DLG4: variants seen among roughly 807,000 people sequenced by gnomAD.
DLG4 encodes disks large homolog 4.
DLG4 carries 7 observed loss-of-function variants against 93.8 expected under a neutral mutation model. That is an observed-to-expected ratio of 0.07 (90% CI 0.04 to 0.14). The LOEUF (loss-of-function observed/expected upper bound fraction) is 0.14. Ranked by LOEUF, DLG4 falls within the 10% of genes least tolerant of loss-of-function variation. The pLI is 1.00. For missense variants in DLG4, 545 were observed against 992.9 expected (o/e 0.55, Z 6.06); for synonymous variants, 341 against 387.6 (o/e 0.88, Z 1.41).
chr17:7,214,390 A>T (rs2070822067), intron 1 of DLG4, among the ~76,000 whole-genome samples: 2 of 152,050 alleles, frequency 1.3e-5, no homozygotes, highest in South Asian at 4.2e-4. Context: ...CCCTCGATAG[A>T]GTAAGCCAGA....
Position 7,189,917 on chromosome 17 carries a change from T to G in DLG4, c.*791A>C, listed in dbSNP as rs2069399747. On this transcript the variant is annotated 3_prime_UTR_variant, in exon 20 of 20. Transcript: ENST00000399506. ...TCAAGTATCTGTCTCTTCCTTTCAC[T>G]CTCTCAAAAGAAAAAAATAAATAAA... 2 of 152,360 alleles carry G rather than the reference T, an allele frequency of 1.3e-5. No homozygotes were observed. Among genetic ancestry groups the G allele is most frequent in the Non-Finnish European group, 2.9e-5 (2 of 67,990 alleles). The allele number at this position is 152,360 out of a possible 1,614,324, so 9.4% of individuals were successfully genotyped here.
chr17:7,201,866 A>C (rs2070155913), intron 8 of DLG4, among the ~76,000 whole-genome samples: 2 of 152,200 alleles, frequency 1.3e-5, no homozygotes. Flanking sequence ...GGGCAAGAAG[A>C]GCGAAACTCC....
At position 7,194,323 on chromosome 17, in the gene DLG4, G is replaced by A. The variant is rs2069657796; in HGVS notation, c.1474C>T (p.Arg492Trp). The A allele has an allele frequency of 1.2e-6, 2 of 1,605,048 alleles. No homozygotes were observed. The highest frequency in any genetic ancestry group is 1.1e-5 in the South Asian group (1 of 89,364). The change falls in exon 12 of 20, where the codon CGG (arginine) becomes TGG (tryptophan). Residue 492 changes from arginine (R) to tryptophan (W), a missense_variant. Physicochemically the swap from Arg to Trp is moderately radical, Grantham distance 101. Around this residue, in one of 5 missense-constraint regions of DLG4, gnomAD observed 428 missense variants for 741.4 expected, o/e 0.58. Coordinates refer to ENST00000399506, the MANE Select transcript of DLG4 (RefSeq NM_001321075.3). The surrounding 1 kb of genome is among the most constrained non-coding windows in gnomAD (Gnocchi z 4.4). Reference protein sequence around the residue: ...TDDIGFIPSKRRVERREWSRL... With the variant: ...TDDIGFIPSKWRVERREWSRL... ...TACAGAGCCCAGGAGCCTCACCGCCGTTTGCTGGGGATGAACCCAATGTCG... is the reference window on the plus strand; with the variant it reads ...TACAGAGCCCAGGAGCCTCACCGCCATTTGCTGGGGATGAACCCAATGTCG...
At chr17:7,207,972 C>A in intron 2 of DLG4, 16 of 838,460 alleles carry the variant, frequency 1.9e-5, no homozygotes, top group Admixed American at 5.1e-5. Context: ...GTCCCAGCAT[C>A]CCCCTCCCCA....
Position 7,194,755 on chromosome 17 carries a change from C to T in DLG4, c.1302-260G>A, listed in dbSNP as rs1053300451. On this transcript the variant is annotated intron_variant, in intron 11 of 19. Transcript: ENST00000399506. This position sits in a 1 kb window ranked among gnomAD's most constrained non-coding sequence, Gnocchi z 4.4. ...TCTCAAGAAAGCAGTTTGGGCCAGG[C>T]GTGGTGGCTCCCACCTGGAATCCCA... is the stretch of plus-strand genomic sequence containing the variant. Among the ~76,000 whole-genome samples, 10 of 152,200 alleles carry T rather than the reference C, an allele frequency of 6.6e-5. No homozygotes were observed. Among genetic ancestry groups the T allele is most frequent in the African/African-American group, 1.9e-4 (8 of 41,440 alleles).
chr17:7,205,771 G>T (rs1321284438), intron 2 of DLG4, among the ~76,000 whole-genome samples: 5 of 46,464 alleles, frequency 1.1e-4, no homozygotes, highest in Non-Finnish European at 2.0e-4. Context: ...CCCGCAGCCC[G>T]TCCCCCATCC....
In DLG4 at chr17:7,212,385, C is replaced by T. The variant is rs2070746169; in HGVS notation, c.31-4146G>A. ...TTAATATATGCTAAATCATCCCTTT[C>T]TATATCACATCTATCTCCCAATCCA... On this transcript the variant is annotated intron_variant, in intron 1 of 19. Transcript: ENST00000399506. Among the ~76,000 whole-genome samples the T allele has an allele frequency of 2.0e-5, 3 of 152,208 alleles. No individual in the cohort carries two copies. In the South Asian group the frequency reaches 6.2e-4, roughly 31 times the overall value.
At position 7,190,801 on chromosome 17, in the gene DLG4, A is replaced by C. The variant is rs2069446818; in HGVS notation, c.2082T>G (p.Gly694=). Residue 694 remains glycine, a synonymous_variant, in exon 20 of 20, where the codon GGT becomes GGG. Transcript: ENST00000399506. ...FTECFSAIVE[G]DSFEEIYHKV... is the part of the protein sequence containing the mutation. Reference sequence around the variant, plus strand: ...TGTGGTAGATCTCCTCAAAGCTGTCACCCTCCACGATGGCTGGGAGTGGGG... The same window carrying C: ...TGTGGTAGATCTCCTCAAAGCTGTCCCCCTCCACGATGGCTGGGAGTGGGG... 2 of 1,612,590 alleles carry C rather than the reference A, an allele frequency of 1.2e-6. No individual in the cohort carries two copies. Among genetic ancestry groups the C allele is most frequent in the African/African-American group, 2.7e-5 (2 of 74,470 alleles).
At chr17:7,192,373 G>C in intron 17 of DLG4, 1 of 228,392 alleles carries the variant, frequency 4.4e-6, no homozygotes, top group Non-Finnish European at 8.5e-6. Flanking sequence ...AGAAAAAGGA[G>C]AAAGGAAGTA....
chr17:7,193,823 T>C lies in DLG4; in HGVS notation c.1543+21A>G. 6.2e-7 allele frequency: 1 copy of C among 1,612,910 alleles called. No individual in the cohort carries two copies. The highest frequency in any genetic ancestry group is 1.1e-5 in the South Asian group (1 of 90,842). On this transcript the variant is annotated intron_variant, in intron 14 of 19. Coordinates refer to ENST00000399506, the MANE Select transcript of DLG4 (RefSeq NM_001321075.3). This position sits in a 1 kb window ranked among gnomAD's most constrained non-coding sequence, Gnocchi z 6.7. ...CTCAGTGCTCCTCTCACCCACATCTTCCCGAACTAACCCTACCTACCCTGC... is the reference window on the plus strand; with the variant it reads ...CTCAGTGCTCCTCTCACCCACATCTCCCCGAACTAACCCTACCTACCCTGC...
chr17:7,219,925 C>A, upstream of DLG4: 1 of 1,572,558 alleles, frequency 6.4e-7, no homozygotes, highest in Non-Finnish European at 8.6e-7. Flanking sequence ...AGGACGTGGG[C>A]GTGCAGGACG....
rs541141813 is a variant in DLG4, at chr17:7,187,715, G to A, written c.*2993C>T. Among the ~76,000 whole-genome samples, 10 of 152,094 alleles carry A rather than the reference G, an allele frequency of 6.6e-5. No homozygotes were observed. Among genetic ancestry groups the A allele is most frequent in the Admixed American group, 1.3e-4 (2 of 15,276 alleles). The stretch of plus-strand genomic sequence containing the variant: ...CTCCCTTCAGCTCACGATAGAGAAC[G>A]TTATCACAGCCTCAAGCCATCTGCT... On this transcript the variant is annotated 3_prime_UTR_variant, in exon 20 of 20. Coordinates refer to ENST00000399506, the MANE Select transcript of DLG4 (RefSeq NM_001321075.3).
rs1340497891 is a variant in DLG4, at chr17:7,194,408, G to A, written c.1389C>T (p.Ile463=). 22 of 1,612,930 alleles carry A rather than the reference G, an allele frequency of 1.4e-5. No homozygotes were observed. The highest frequency in any genetic ancestry group is 6.7e-5 in the East Asian group (3 of 44,846). Residue 463 remains isoleucine, a synonymous_variant, in exon 12 of 20, where the codon ATC becomes ATT. Transcript: ENST00000399506. The surrounding 1 kb of genome is among the most constrained non-coding windows in gnomAD (Gnocchi z 4.4). The part of the protein sequence containing the change: ...SFRFGDVLHV[I]DASDEEWWQA... ...GCCACCACTCCTCATCACTAGCATC[G>A]ATGACATGCAGCACATCCCCAAAGC...
rs1302913275 is a variant in DLG4, at chr17:7,208,894, A to G, written c.31-655T>C. 7.9e-5 allele frequency among the ~76,000 whole-genome samples: 12 copies of G among 152,008 alleles called. No homozygotes were observed. Among genetic ancestry groups the G allele is most frequent in the African/African-American group, 2.2e-4 (9 of 41,366 alleles). On this transcript the variant is annotated intron_variant, in intron 1 of 19. Transcript: ENST00000399506. The surrounding 1 kb of genome is among the most constrained non-coding windows in gnomAD (Gnocchi z 5.4). Reference sequence around the variant, plus strand: ...TCAGCCCCCGAGACAGGACAAGGCTAAGCCTGTCCAGTTCACTGCCCTTGC... The same window carrying G: ...TCAGCCCCCGAGACAGGACAAGGCTGAGCCTGTCCAGTTCACTGCCCTTGC...
Position 7,194,641 on chromosome 17 carries a change from C to A in DLG4, c.1302-146G>T. On this transcript the variant is annotated intron_variant, in intron 11 of 19. Transcript: ENST00000399506. The surrounding 1 kb of genome is among the most constrained non-coding windows in gnomAD (Gnocchi z 4.4). The stretch of plus-strand genomic sequence containing the variant: ...GAGGAACCCAAAACTGTGTGGGGAC[C>A]AAACGCTGACTATAACTCATAACAA... 1 of 746,480 alleles carries A rather than the reference C, an allele frequency of 1.3e-6. No homozygotes were observed. Among genetic ancestry groups the A allele is most frequent in the Non-Finnish European group, 2.1e-6 (1 of 466,070 alleles). 46.2% of individuals were successfully genotyped at this position (746,480 alleles called of 1,614,324 possible).
rs1242675613 is a variant in DLG4 at position 7,196,411 on chromosome 17, AG to A, written c.1186+61del. 6.2e-7 allele frequency: 1 copy of A among 1,609,466 alleles called. No individual in the cohort carries two copies. The highest frequency in any genetic ancestry group is 1.3e-5 in the African/African-American group (1 of 74,838). On this transcript the variant is annotated intron_variant, in intron 10 of 19. Coordinates refer to ENST00000399506, the MANE Select transcript of DLG4 (RefSeq NM_001321075.3). This position sits in a 1 kb window ranked among gnomAD's most constrained non-coding sequence, Gnocchi z 8.3. ...CCTGTCCTCCCCTACTGAAGCCATC[AG>A]CTGAGGAAGAGTTCTAAGGGCCATT...
At position 7,203,732 on chromosome 17, in the gene DLG4, T is replaced by C; in HGVS notation, c.295A>G (p.Ile99Val). The change falls in exon 5 of 20, where the codon ATC becomes GTC. Residue 99 changes from isoleucine to valine, a missense_variant. Ile to Val is a conservative substitution (Grantham distance 29). Transcript: ENST00000399506. This position sits in a 1 kb window ranked among gnomAD's most constrained non-coding sequence, Gnocchi z 7.2. ...TGGGCCGCAGCCCCACCAGGAATGATCTTGGTGATGAAAATGGATGGGTCG... is the reference window on the plus strand; with the variant it reads ...TGGGCCGCAGCCCCACCAGGAATGACCTTGGTGATGAAAATGGATGGGTCG... ...GDDPSIFITK[I>V]IPGGAAAQDG... 1 of 1,613,646 alleles carries C rather than the reference T, an allele frequency of 6.2e-7. No individual in the cohort carries two copies. The highest frequency in any genetic ancestry group is 8.5e-7 in the Non-Finnish European group (1 of 1,179,812).
rs953774852 is a variant in DLG4, at chr17:7,203,400, G to A, written c.505+24C>T. On this transcript the variant is annotated intron_variant, in intron 6 of 19. Transcript: ENST00000399506. This position sits in a 1 kb window ranked among gnomAD's most constrained non-coding sequence, Gnocchi z 7.2. ...GGGGGCACAGGACAGTTGGGATGGG[G>A]GTGGGAACAAAATGAGTTACTACCT... The A allele has an allele frequency of 2.5e-6, 4 of 1,596,140 alleles. No homozygotes were observed. The highest frequency in any genetic ancestry group is 2.7e-5 in the African/African-American group (2 of 74,590).
rs1555599137 is a variant in DLG4, at chr17:7,187,312, G to GGA, written c.*3395_*3396insTC. Among the ~76,000 whole-genome samples, 1 of 123,890 alleles carries GGA rather than the reference G, an allele frequency of 8.1e-6. No individual in the cohort carries two copies. Among genetic ancestry groups the GGA allele is most frequent in the African/African-American group, 2.6e-5 (1 of 38,544 alleles). The allele number at this position is 123,890 out of a possible 152,430, so 81.3% of individuals were successfully genotyped here. ...CCTAGCACTTTGGGAGGCCGAGGGG[G>GGA]GGGGGGGTGGATCACCCGAGGTCAG... On this transcript the variant is annotated 3_prime_UTR_variant, in exon 20 of 20. Transcript: ENST00000399506.
Sources: allele counts gnomAD v4.1 joint callset (sites outside exome capture counted in the v4.1 genomes callset), GRCh38; gene constraint gnomAD v4.1.1; regional missense constraint gnomAD v4.1.1; non-coding constraint Gnocchi (gnomAD v3.1); transcripts MANE v1.5; gene names NCBI Gene and HGNC (gene_info 2026-07-23, HGNC 2026-07-21).